TECPR2: variants seen among roughly 807,000 people sequenced by gnomAD.
TECPR2 encodes tectonin beta-propeller repeat containing 2, also known as tectonin beta-propeller repeat-containing protein 2.
TECPR2 carries 65 observed loss-of-function variants against 138.1 expected under a neutral mutation model. The observed-to-expected ratio is 0.47, with a 90% CI of 0.39 to 0.58. TECPR2 has a LOEUF of 0.58. Among genes scored for constraint, TECPR2 ranks in the 20% least tolerant of loss-of-function variants. The pLI is 0.00. For synonymous variants in TECPR2, 746 were observed against 749.8 expected (o/e 0.99, Z 0.08); for missense variants, 1,553 against 1,824.5 (o/e 0.85, Z 2.71).
Position 102,499,428 on chromosome 14 carries a change from C to T in TECPR2, c.*1171C>T. Reference sequence around the variant, plus strand: ...AAACAGTGGAAGCCCTTTGTTCCTTCCCGGGTTTGTCCTGAGCCTGCACTG... The same window carrying T: ...AAACAGTGGAAGCCCTTTGTTCCTTTCCGGGTTTGTCCTGAGCCTGCACTG... On this transcript the variant is annotated 3_prime_UTR_variant, in exon 20 of 20. Coordinates refer to ENST00000359520, the MANE Select transcript of TECPR2 (RefSeq NM_014844.5). 1.7e-6 allele frequency: 1 copy of T among 576,520 alleles called. No homozygotes were observed. 35.7% of individuals were successfully genotyped at this position (576,520 alleles called of 1,614,324 possible). A position where few individuals can be genotyped will look rare whatever the true frequency, so the allele number is the denominator to read the frequency against.
intron 17 of TECPR2, among the ~76,000 whole-genome samples, chr14:102,483,072 C>T (rs1310915599): frequency 1.3e-5 from 2 of 151,454 alleles, no homozygotes; most frequent in African/African-American, 2.4e-5. Flanking sequence ...AGGATGGTCT[C>T]GATCTCCTGA....
rs372319066 is a variant in TECPR2, at chr14:102,497,652, C to T, written c.4014C>T (p.Gly1338=). 269 of 1,609,158 alleles carry T rather than the reference C, an allele frequency of 1.7e-4. No individual in the cohort carries two copies. Among genetic ancestry groups the T allele is most frequent in the Non-Finnish European group, 2.2e-4 (255 of 1,178,510 alleles). ...ACGGAGACCTCGCCCGGCGGTACGGCGTCACAGACAAGAACCCCGCCGGGG... is the reference window on the plus strand; with the variant it reads ...ACGGAGACCTCGCCCGGCGGTACGGTGTCACAGACAAGAACCCCGCCGGGG... ...CPNGDLARRY[G]VTDKNPAGDY... The change falls in exon 19 of 20, where the codon GGC becomes GGT. Residue 1338 remains glycine (G), a synonymous_variant. Coordinates refer to ENST00000359520, the MANE Select transcript of TECPR2 (RefSeq NM_014844.5).
At chr14:102,453,916 A>G (rs1890215276) in intron 16 of TECPR2, among the ~76,000 whole-genome samples, 1 of 152,092 alleles carries the variant, frequency 6.6e-6, no homozygotes, top group Non-Finnish European at 1.5e-5. Flanking sequence ...TGGGAGGCCA[A>G]GGAGGGCGGA....
At chr14:102,409,386 A>G (rs1231193069) in intron 4 of TECPR2, among the ~76,000 whole-genome samples, 3 of 151,036 alleles carry the variant, frequency 2.0e-5, no homozygotes, top group Non-Finnish European at 4.4e-5. Context: ...GACAACCTCC[A>G]TATCCCGGGT....
intron 17 of TECPR2, among the ~76,000 whole-genome samples, chr14:102,470,371 G>T (rs926704900): frequency 1.3e-5 from 2 of 150,838 alleles, no homozygotes; most frequent in Non-Finnish European, 2.9e-5. Flanking sequence ...ATGTTGGCGC[G>T]ATCTCGGCCC....
In TECPR2 at chr14:102,362,997, G is replaced by A; in HGVS notation, c.-192G>A. 9.0e-7 allele frequency: 1 copy of A among 1,109,974 alleles called. No individual in the cohort carries two copies. Among genetic ancestry groups the A allele is most frequent in the Non-Finnish European group, 1.3e-6 (1 of 767,538 alleles). The allele number at this position is 1,109,974 out of a possible 1,614,324, so 68.8% of individuals were successfully genotyped here. A position where few individuals can be genotyped will look rare whatever the true frequency, so the allele number is the denominator to read the frequency against. ...GAGCCAGCTGCTGCTCTTCGGTGCTGGCCCCGGTGCCGGCCCCGTTGCCCA... is the reference window on the plus strand; with the variant it reads ...GAGCCAGCTGCTGCTCTTCGGTGCTAGCCCCGGTGCCGGCCCCGTTGCCCA... On this transcript the variant is annotated 5_prime_UTR_variant, in exon 1 of 20. Transcript: ENST00000359520.
chr14:102,479,072 T>A (rs1890831957), intron 17 of TECPR2, among the ~76,000 whole-genome samples: 1 of 143,012 alleles, frequency 7.0e-6, no homozygotes, highest in Admixed American at 6.9e-5. Flanking sequence ...GTTTTTGGAG[T>A]TAACTGACCA....
At position 102,408,195 on chromosome 14, in the gene TECPR2, G is replaced by A. The variant is rs117847013; in HGVS notation, c.349-293G>A. Among the ~76,000 whole-genome samples the A allele has an allele frequency of 0.016, 2,400 of 151,928 alleles. 26 individuals carry two copies. The highest frequency in any genetic ancestry group is 0.027 in the Middle Eastern group (8 of 292). On this transcript the variant is annotated intron_variant, in intron 3 of 19. Coordinates refer to ENST00000359520, the MANE Select transcript of TECPR2 (RefSeq NM_014844.5). ...AAAAAAAAAAAAAATGCTCAGAGAA[G>A]CTTAACACTGTGCTGTTTATAATTG... is the stretch of plus-strand genomic sequence containing the variant.
chr14:102,443,750 G>A lies in TECPR2; in HGVS notation c.2856G>A (p.Glu952=), dbSNP rs771816482. The change falls in exon 12 of 20, where the codon GAG becomes GAA. Residue 952 remains glutamate (E), a synonymous_variant. Transcript: ENST00000359520. This position sits in a 1 kb window ranked among gnomAD's most constrained non-coding sequence, Gnocchi z 4.9. ...ACAATGTGGTGTGGGCGCTGACAGA[G>A]CAGAGGGCCCTCCTGTACCGGGAGG... ...ARNNVVWALT[E]QRALLYREGV... The A allele has an allele frequency of 1.2e-6, 2 of 1,612,046 alleles. No individual in the cohort carries two copies. Among genetic ancestry groups the A allele is most frequent in the Non-Finnish European group, 1.7e-6 (2 of 1,178,556 alleles).
Position 102,419,360 on chromosome 14 carries a change from G to A in TECPR2, c.638+4567G>A, listed in dbSNP as rs1029232376. ...TTTTAGGAGGAGTGTTTTTGTAGAA[G>A]AGAACAAAGAAAGACAAATAGGTGG... On this transcript the variant is annotated intron_variant, in intron 5 of 19. Transcript: ENST00000359520. The surrounding 1 kb of genome is among the most constrained non-coding windows in gnomAD (Gnocchi z 4.8). Among the ~76,000 whole-genome samples the A allele has an allele frequency of 6.6e-6, 1 of 152,186 alleles. No individual in the cohort carries two copies. Among genetic ancestry groups the A allele is most frequent in the Non-Finnish European group, 1.5e-5 (1 of 68,036 alleles).
intron 17 of TECPR2, among the ~76,000 whole-genome samples, chr14:102,475,555 G>C (rs1172937078): frequency 6.6e-6 from 1 of 152,174 alleles, no homozygotes; most frequent in Non-Finnish European, 1.5e-5. Flanking sequence ...TAGCCTGACA[G>C]TAAATGCAGC....
rs140677523 is a variant in TECPR2 at position 102,446,488 on chromosome 14, A to G, written c.3075+541A>G. 8.6e-4 allele frequency among the ~76,000 whole-genome samples: 131 copies of G among 152,250 alleles called. 1 individual carries two copies. Among genetic ancestry groups the G allele is most frequent in the African/African-American group, 3.1e-3 (127 of 41,570 alleles). On this transcript the variant is annotated intron_variant, in intron 13 of 19. Transcript: ENST00000359520. ...GTGGCACACGCCGTTGGTCCCAACT[A>G]CTCGGAAGGCTGAGGTGGGAGAATA...
intron 7 of TECPR2, 38 bp from the exon 8 acceptor site, chr14:102,431,756 CTT>C (rs756667764): frequency 2.6e-6 from 4 of 1,513,196 alleles, no homozygotes; most frequent in Admixed American, 4.4e-5. Context: ...TCAGCTCTCT[CTT>C]GGATCACCAG....
chr14:102,392,530 T>G (rs1888205579), intron 2 of TECPR2, among the ~76,000 whole-genome samples: 1 of 152,234 alleles, frequency 6.6e-6, no homozygotes. Flanking sequence ...AGTTGTTCTT[T>G]GCTTACATTT....
intron 2 of TECPR2, among the ~76,000 whole-genome samples, chr14:102,384,823 C>T (rs931953781): frequency 2.1e-5 from 3 of 146,168 alleles, no homozygotes; most frequent in African/African-American, 7.6e-5. Flanking sequence ...CCAAGGATGC[C>T]AGACTCATTT....
intron 2 of TECPR2, among the ~76,000 whole-genome samples, chr14:102,385,351 C>T (rs1887968682): frequency 1.3e-5 from 2 of 152,098 alleles, no homozygotes; most frequent in African/African-American, 2.4e-5. Context: ...CCTACTAGGC[C>T]CCACCTCCCA....
At chr14:102,473,331 A>G (rs936122899) in intron 17 of TECPR2, among the ~76,000 whole-genome samples, 5 of 152,256 alleles carry the variant, frequency 3.3e-5, no homozygotes, top group Non-Finnish European at 4.4e-5. Context: ...AAATGAGCCC[A>G]GGAGTGAGGG....
At chr14:102,423,449 A>G (rs1430961812) in intron 5 of TECPR2, among the ~76,000 whole-genome samples, 1 of 152,010 alleles carries the variant, frequency 6.6e-6, no homozygotes, top group Non-Finnish European at 1.5e-5. Flanking sequence ...AAAAAAAAAA[A>G]AGAGGTTTTT....
At chr14:102,463,051 C>T (rs989960470) in intron 16 of TECPR2, among the ~76,000 whole-genome samples, 3 of 152,158 alleles carry the variant, frequency 2.0e-5, no homozygotes, top group African/African-American at 7.2e-5. Context: ...TTCAGGGGTG[C>T]GGGCAGCCAG....
Sources: gnomAD v4.1 joint callset for allele counts (sites outside exome capture counted in the v4.1 genomes callset) on GRCh38, gnomAD v4.1.1 for gene constraint, Gnocchi (gnomAD v3.1) non-coding constraint, MANE v1.5 for transcripts, NCBI Gene and HGNC (gene_info 2026-07-23, HGNC 2026-07-21) for gene names.